Variants in CCDC102B observed in about 807,000 individuals in gnomAD.
The protein encoded by CCDC102B is coiled-coil domain-containing protein 102B.
A neutral mutation model predicts 57.4 loss-of-function variants in CCDC102B; 75 were observed. The observed-to-expected ratio is 1.31, with a 90% CI of 1.08 to 1.58. The LOEUF (loss-of-function observed/expected upper bound fraction) is 1.58. CCDC102B is among the 40% of genes most tolerant of loss of function. CCDC102B has a pLI of 0.00. For missense variants in CCDC102B, 636 were observed against 582.6 expected, an observed-to-expected ratio of 1.09 and a Z score of -0.94; for synonymous variants, 206 against 201.9, an observed-to-expected ratio of 1.02 and a Z score of -0.17.
chr18:69,032,904 A>G (rs1348111319), intron 7 of CCDC102B, among the ~76,000 whole-genome samples: 3 of 152,060 alleles, frequency 2.0e-5, no homozygotes, highest in Non-Finnish European at 4.4e-5. Flanking sequence ...AGAAAAAAAA[A>G]CTCTGAGCTG....
intron 6 of CCDC102B, among the ~76,000 whole-genome samples, chr18:68,984,096 A>G (rs1027558094): frequency 2.0e-5 from 3 of 151,948 alleles, no homozygotes; most frequent in Non-Finnish European, 4.4e-5. Context: ...AATGTACATT[A>G]TCTCATTTAT....
chr18:68,888,530 G>A (rs536939125), intron 5 of CCDC102B, among the ~76,000 whole-genome samples: 2 of 152,250 alleles, frequency 1.3e-5, no homozygotes, highest in East Asian at 3.9e-4. Flanking sequence ...ATGTTTAGCA[G>A]TACTCCTGGT....
intron 6 of CCDC102B, among the ~76,000 whole-genome samples, chr18:68,936,872 A>G (rs1011527171): frequency 1.3e-5 from 2 of 151,592 alleles, no homozygotes; most frequent in African/African-American, 4.8e-5. Flanking sequence ...ACACACACAC[A>G]CACACCCAAC....
At chr18:68,793,830 G>A (rs1053957995), upstream of CCDC102B, among the ~76,000 whole-genome samples, 1 of 152,136 alleles carries the variant, frequency 6.6e-6, no homozygotes, top group Non-Finnish European at 1.5e-5. Flanking sequence ...AAATCCACCA[G>A]TATAGCTTTA....
chr18:68,811,386 G>A (rs1362329157), intron 1 of CCDC102B, among the ~76,000 whole-genome samples: 3 of 152,140 alleles, frequency 2.0e-5, no homozygotes, highest in Non-Finnish European at 4.4e-5. Context: ...TTCGTGAGGT[G>A]GGCAGATCAC....
At chr18:68,746,709 C>T (rs957034027) in intron 2 of CCDC102B, among the ~76,000 whole-genome samples, 1 of 151,764 alleles carries the variant, frequency 6.6e-6, no homozygotes, top group Admixed American at 6.6e-5. Flanking sequence ...CCCACGGATT[C>T]CATGTCATTA....
At chr18:68,739,359 A>G (rs914185219) in intron 2 of CCDC102B, among the ~76,000 whole-genome samples, 1 of 152,178 alleles carries the variant, frequency 6.6e-6, no homozygotes, top group African/African-American at 2.4e-5. Context: ...TTTCATGAAC[A>G]AAGCTTGAGC....
intron 6 of CCDC102B, among the ~76,000 whole-genome samples, chr18:68,909,859 G>A (rs1233418899): frequency 1.3e-5 from 2 of 152,112 alleles, no homozygotes; most frequent in Non-Finnish European, 2.9e-5. Context: ...AGCTTCCTCT[G>A]CTGCTTCATA....
chr18:68,974,793 A>G (rs947892488), intron 6 of CCDC102B, among the ~76,000 whole-genome samples: 6 of 151,990 alleles, frequency 3.9e-5, no homozygotes, highest in Non-Finnish European at 8.8e-5. Flanking sequence ...GAAGAGGTAG[A>G]ATTATGATCC....
At chr18:68,764,075 G>A (rs986950635) in intron 2 of CCDC102B, among the ~76,000 whole-genome samples, 1 of 152,070 alleles carries the variant, frequency 6.6e-6, no homozygotes. Context: ...GCTGGGCTTA[G>A]ATTCAAAATC....
At chr18:68,991,917 C>T (rs1217968463) in intron 6 of CCDC102B, among the ~76,000 whole-genome samples, 1 of 152,096 alleles carries the variant, frequency 6.6e-6, no homozygotes, top group Non-Finnish European at 1.5e-5. Flanking sequence ...GCACATGATA[C>T]ATGTGAGATA....
chr18:68,748,647 C>G (rs1307564473), intron 2 of CCDC102B, among the ~76,000 whole-genome samples: 1 of 152,104 alleles, frequency 6.6e-6, no homozygotes, highest in Non-Finnish European at 1.5e-5. Context: ...GGAAACATAG[C>G]CTAAAGCCGA....
intron 2 of CCDC102B, among the ~76,000 whole-genome samples, chr18:68,726,173 A>G (rs575674900): frequency 6.6e-6 from 1 of 152,338 alleles, no homozygotes; most frequent in African/African-American, 2.4e-5. Context: ...TATAATTGGT[A>G]TGGATAGAAT....
chr18:69,034,150 G>T (rs1351532535), intron 7 of CCDC102B, among the ~76,000 whole-genome samples: 1 of 151,816 alleles, frequency 6.6e-6, no homozygotes, highest in African/African-American at 2.4e-5. Flanking sequence ...CTCTCCTTCT[G>T]TGGATTGAAT....
At chr18:69,032,182 C>A (rs2052164565) in intron 7 of CCDC102B, among the ~76,000 whole-genome samples, 1 of 151,948 alleles carries the variant, frequency 6.6e-6, no homozygotes, top group Non-Finnish European at 1.5e-5. Context: ...GGCACATAGC[C>A]CAGTACTCTT....
intron 7 of CCDC102B, among the ~76,000 whole-genome samples, chr18:69,037,543 A>C (rs1049066202): frequency 1.3e-5 from 2 of 151,940 alleles, no homozygotes; most frequent in African/African-American, 4.8e-5. Flanking sequence ...GAAATGCAAA[A>C]ATTTTGAGCC....
intron 1 of CCDC102B, among the ~76,000 whole-genome samples, chr18:68,816,439 GTCT>G (rs1224351557): frequency 6.8e-6 from 1 of 147,918 alleles, no homozygotes; most frequent in African/African-American, 2.5e-5. Flanking sequence ...TTTCACTATA[GTCT>G]TCTTCCTATT....
chr18:68,838,829 A>G lies in CCDC102B; in HGVS notation c.730A>G (p.Lys244Glu), dbSNP rs756348556. 3.1e-6 allele frequency: 5 copies of G among 1,613,896 alleles called. No individual in the cohort carries two copies. The East Asian group carries it at 8.9e-5, about 29-fold the overall frequency. Residue 244 changes from lysine (K) to glutamate (E), a missense_variant, in exon 3 of 8, where the codon AAA becomes GAA. Transcript: ENST00000360242. ...TGAAACGAAAACTGGGCTGAGACTG[A>G]AAGCAATAAATCTGCCTTTGGAAAA... Reference protein sequence around the residue: ...NGETKTGLRLKAINLPLENEV... With the variant: ...NGETKTGLRLEAINLPLENEV...
chr18:68,774,708 A>G (rs947095216), intron 2 of CCDC102B, among the ~76,000 whole-genome samples: 3 of 152,088 alleles, frequency 2.0e-5, no homozygotes, highest in African/African-American at 7.2e-5. Flanking sequence ...GTTTCATTTT[A>G]GAATTTTAGA....
Sources: gnomAD v4.1 joint callset for allele counts (sites outside exome capture counted in the v4.1 genomes callset) on GRCh38, gnomAD v4.1.1 for gene constraint, MANE v1.5 for transcripts, NCBI Gene and HGNC (gene_info 2026-07-23, HGNC 2026-07-21) for gene names.